Variants in GALNT13 observed in about 807,000 individuals in gnomAD.
GALNT13 encodes UDP-GalNAc:polypeptide N-acetylgalactosaminyltransferase 13.
A neutral mutation model predicts 64.2 loss-of-function variants in GALNT13; 28 were observed. The observed-to-expected ratio is 0.44, with a 90% CI of 0.32 to 0.60. The LOEUF (loss-of-function observed/expected upper bound fraction) is 0.60. Ranked by LOEUF, GALNT13 falls within the 20% of genes least tolerant of loss-of-function variation. GALNT13 has a pLI of 0.05. For synonymous variants in GALNT13, 214 were observed against 224.6 expected (o/e 0.95, Z 0.42); for missense variants, 577 against 669.8 (o/e 0.86, Z 1.53).
chr2:153,656,875 C>T, the GALNT13 span, among the ~76,000 whole-genome samples: 2 of 151,868 alleles, frequency 1.3e-5, no homozygotes, highest in African/African-American at 2.4e-5. Context: ...GAGGTTAAAG[C>T]GCTAAGGTGC....
chr2:153,981,001 T>A (rs1694423565), intron 3 of GALNT13, among the ~76,000 whole-genome samples: 1 of 152,174 alleles, frequency 6.6e-6, no homozygotes, highest in Non-Finnish European at 1.5e-5. Context: ...TAAAAAATTT[T>A]AAAATATCTT....
the GALNT13 span, among the ~76,000 whole-genome samples, chr2:153,433,124 G>C: frequency 6.6e-6 from 1 of 152,054 alleles, no homozygotes; most frequent in Non-Finnish European, 1.5e-5. Flanking sequence ...GAGAAATTTT[G>C]TGTGAGAGTA....
chr2:154,235,808 G>A (rs1205688566), intron 4 of GALNT13, among the ~76,000 whole-genome samples: 3 of 152,086 alleles, frequency 2.0e-5, no homozygotes, highest in African/African-American at 7.2e-5. Flanking sequence ...TTTCTCTGAT[G>A]TGGCATGTTG....
At chr2:153,852,349 A>G in the GALNT13 span, among the ~76,000 whole-genome samples, 3 of 152,172 alleles carry the variant, frequency 2.0e-5, no homozygotes, top group Non-Finnish European at 4.4e-5. Flanking sequence ...GGATTAGATA[A>G]AGTGGATTAC....
intron 2 of GALNT13, among the ~76,000 whole-genome samples, chr2:153,937,259 A>G (rs1167648454): frequency 6.6e-6 from 1 of 152,232 alleles, no homozygotes; most frequent in Non-Finnish European, 1.5e-5. Flanking sequence ...TGAATGGATA[A>G]ATAAAATGTG....
chr2:154,340,505 T>G (rs1353686446), intron 9 of GALNT13, among the ~76,000 whole-genome samples: 1 of 152,096 alleles, frequency 6.6e-6, no homozygotes, highest in African/African-American at 2.4e-5. Flanking sequence ...TAATAAAATG[T>G]TTTTTTGATT....
chr2:154,279,718 T>C (rs1691854516), intron 8 of GALNT13, among the ~76,000 whole-genome samples: 2 of 152,178 alleles, frequency 1.3e-5, no homozygotes, highest in Non-Finnish European at 2.9e-5. Flanking sequence ...CAAAGCAATA[T>C]GCCAAATGTT....
At chr2:154,127,922 C>T (rs1268344832) in intron 3 of GALNT13, among the ~76,000 whole-genome samples, 6 of 151,640 alleles carry the variant, frequency 4.0e-5, no homozygotes. Flanking sequence ...TAAGAGGAAA[C>T]TATAAATAGG....
chr2:154,210,226 C>T (rs1443709522), intron 4 of GALNT13, among the ~76,000 whole-genome samples: 2 of 152,072 alleles, frequency 1.3e-5, no homozygotes, highest in East Asian at 3.9e-4. Flanking sequence ...TTTCCTTATC[C>T]ACTCATCCAT....
intron 8 of GALNT13, among the ~76,000 whole-genome samples, chr2:154,273,211 G>A (rs949552490): frequency 1.3e-5 from 2 of 152,056 alleles, no homozygotes; most frequent in African/African-American, 4.8e-5. Flanking sequence ...AGGATGAAGG[G>A]TAGAGAACTA....
the GALNT13 span, among the ~76,000 whole-genome samples, chr2:153,624,285 T>G: frequency 6.6e-6 from 1 of 152,136 alleles, no homozygotes; most frequent in African/African-American, 2.4e-5. Flanking sequence ...GTGTGACATT[T>G]GTCTTAAACT....
chr2:153,145,037 T>G, the GALNT13 span, among the ~76,000 whole-genome samples: 1 of 151,938 alleles, frequency 6.6e-6, no homozygotes, highest in African/African-American at 2.4e-5. Flanking sequence ...AATGTTTACT[T>G]TATAAATTAC....
At chr2:154,297,309 G>A (rs944996852) in intron 8 of GALNT13, among the ~76,000 whole-genome samples, 8 of 152,186 alleles carry the variant, frequency 5.3e-5, no homozygotes, top group Non-Finnish European at 1.0e-4. Context: ...AGATGCTGGT[G>A]ATTAGGACAA....
chr2:153,807,692 A>G, the GALNT13 span, among the ~76,000 whole-genome samples: 1 of 151,980 alleles, frequency 6.6e-6, no homozygotes, highest in Non-Finnish European at 1.5e-5. Context: ...TCAAGCTTTT[A>G]TTACATTTCT....
At chr2:153,596,106 G>C in the GALNT13 span, among the ~76,000 whole-genome samples, 1 of 152,154 alleles carries the variant, frequency 6.6e-6, no homozygotes, top group African/African-American at 2.4e-5. Context: ...CTGACCATTG[G>C]CTGGAAGCCT....
intron 8 of GALNT13, among the ~76,000 whole-genome samples, chr2:154,270,735 G>C (rs1391117408): frequency 1.3e-5 from 2 of 151,660 alleles, no homozygotes; most frequent in Non-Finnish European, 3.0e-5. Flanking sequence ...AAAGGAACTA[G>C]ATTCTGAAAG....
chr2:153,114,502 T>C, the GALNT13 span, among the ~76,000 whole-genome samples: 2 of 152,164 alleles, frequency 1.3e-5, no homozygotes, highest in Admixed American at 1.3e-4. Context: ...CTTAATTGAT[T>C]TGAAGTCTAC....
the GALNT13 span, among the ~76,000 whole-genome samples, chr2:153,098,320 A>G: frequency 2.0e-4 from 30 of 152,294 alleles, no homozygotes; most frequent in African/African-American, 7.0e-4. Flanking sequence ...CTGAAGACCA[A>G]TTTATCTGGA....
chr2:153,783,004 C>T, the GALNT13 span, among the ~76,000 whole-genome samples: 30 of 152,162 alleles, frequency 2.0e-4, no homozygotes, highest in African/African-American at 6.7e-4. Flanking sequence ...ACAGACATAC[C>T]GGAAACAGGT....
Sources: gnomAD v4.1 joint callset for allele counts (sites outside exome capture counted in the v4.1 genomes callset) on GRCh38, gnomAD v4.1.1 for gene constraint, MANE v1.5 for transcripts, NCBI Gene and HGNC (gene_info 2026-07-23, HGNC 2026-07-21) for gene names.